RNLS: variants seen among roughly 807,000 people sequenced by gnomAD.
RNLS encodes the protein renalase, FAD dependent amine oxidase, also known as renalase.
Under a neutral mutation model 39.8 loss-of-function variants are expected in RNLS, and 39 were observed. The ratio of observed to expected loss-of-function variants is 0.98; its 90% CI spans 0.76 to 1.28. RNLS has a LOEUF of 1.28. Ranked by LOEUF, RNLS falls within the 50% of genes most tolerant of loss-of-function variation. RNLS has a pLI of 0.00. For synonymous variants in RNLS, 147 were observed against 150.7 expected, an observed-to-expected ratio of 0.98 and a Z score of 0.18; for missense variants, 410 against 413.3, an observed-to-expected ratio of 0.99 and a Z score of 0.07.
intron 6 of RNLS, among the ~76,000 whole-genome samples, chr10:88,287,496 G>A (rs1564662625): frequency 6.6e-6 from 1 of 152,104 alleles, no homozygotes; most frequent in African/African-American, 2.4e-5. Context: ...GAAGAAAACG[G>A]CTAGGATTCT....
At chr10:88,372,721 T>C (rs1436884712) in intron 4 of RNLS, among the ~76,000 whole-genome samples, 1 of 152,200 alleles carries the variant, frequency 6.6e-6, no homozygotes, top group Admixed American at 6.6e-5. Context: ...TAGCAGAGTC[T>C]AGAATTAATT....
At chr10:88,183,149 T>G in the RNLS span, among the ~76,000 whole-genome samples, 2 of 152,168 alleles carry the variant, frequency 1.3e-5, no homozygotes, top group African/African-American at 4.8e-5. Flanking sequence ...ATTATTCAGA[T>G]GCAGGGGACC....
the RNLS span, among the ~76,000 whole-genome samples, chr10:88,198,481 A>G: frequency 6.6e-6 from 1 of 152,198 alleles, no homozygotes. Flanking sequence ...TGCATATTTT[A>G]TCAAGTTTTA....
chr10:88,505,578 G>GT (rs975680146), intron 4 of RNLS, among the ~76,000 whole-genome samples: 6 of 152,160 alleles, frequency 3.9e-5, no homozygotes, highest in East Asian at 1.9e-4. Context: ...ATAAAAAAAA[G>GT]TTTTTTAAAG....
At chr10:88,579,321 C>G (rs1362700415) in intron 3 of RNLS, among the ~76,000 whole-genome samples, 4 of 152,112 alleles carry the variant, frequency 2.6e-5, no homozygotes, top group African/African-American at 4.8e-5. Context: ...CACGGTAGGT[C>G]AGATAATTTC....
At chr10:88,421,931 G>T (rs1854434381) in intron 4 of RNLS, among the ~76,000 whole-genome samples, 1 of 151,962 alleles carries the variant, frequency 6.6e-6, no homozygotes, top group Non-Finnish European at 1.5e-5. Context: ...CCTCTTTACT[G>T]CTCATTATAC....
chr10:88,488,137 T>C (rs1828167366), intron 4 of RNLS, among the ~76,000 whole-genome samples: 1 of 152,146 alleles, frequency 6.6e-6, no homozygotes, highest in African/African-American at 2.4e-5. Flanking sequence ...TAGTGATGGA[T>C]ATATTCACAA....
intron 4 of RNLS, among the ~76,000 whole-genome samples, chr10:88,451,886 T>C (rs1842378812): frequency 6.6e-6 from 1 of 152,214 alleles, no homozygotes; most frequent in Non-Finnish European, 1.5e-5. Context: ...CCATGGCAAC[T>C]AGTACAGTAG....
rs1356648395 is a variant in RNLS, at chr10:88,356,864, T to C, written c.700+5688A>G. 2.0e-5 allele frequency among the ~76,000 whole-genome samples: 3 copies of C among 146,936 alleles called. No individual in the cohort carries two copies. The Admixed American group carries it at 2.1e-4, about 10-fold the overall frequency. On this transcript the variant is annotated intron_variant, in intron 5 of 6. Coordinates refer to ENST00000331772, the MANE Select transcript of RNLS (RefSeq NM_001031709.3). Reference sequence around the variant, plus strand: ...TCACATCTCTAGAATTCAGATAGATTGTCTTAATCTCCTCAGATTGCTGCC... The same window carrying C: ...TCACATCTCTAGAATTCAGATAGATCGTCTTAATCTCCTCAGATTGCTGCC...
In RNLS at chr10:88,522,447, C is replaced by G. The variant is rs182431992; in HGVS notation, c.526+50456G>C. Among the ~76,000 whole-genome samples the G allele has an allele frequency of 1.6e-4, 25 of 152,082 alleles. No homozygotes were observed. In the East Asian group the frequency reaches 3.9e-3, roughly 24 times the overall value. On this transcript the variant is annotated intron_variant, in intron 4 of 6. Coordinates refer to ENST00000331772, the MANE Select transcript of RNLS (RefSeq NM_001031709.3). ...TCTGAACCAATAAAGATTTAGCAGG[C>G]CTGGTATTGAGTGTCCATGATATGA...
downstream of RNLS, among the ~76,000 whole-genome samples, chr10:88,279,816 GACT>G (rs1457291616): frequency 6.6e-6 from 1 of 152,050 alleles, no homozygotes; most frequent in Non-Finnish European, 1.5e-5. Context: ...TCTTTCCAAG[GACT>G]ACATTAGAGC....
At chr10:88,468,465 A>C (rs1473465502) in intron 4 of RNLS, among the ~76,000 whole-genome samples, 1 of 152,142 alleles carries the variant, frequency 6.6e-6, no homozygotes, top group Non-Finnish European at 1.5e-5. Context: ...ATTTATAATA[A>C]AACTGACCCT....
chr10:88,404,278 A>T (rs1165588050), intron 4 of RNLS, among the ~76,000 whole-genome samples: 1 of 152,060 alleles, frequency 6.6e-6, no homozygotes, highest in East Asian at 1.9e-4. Context: ...GAATCAATTG[A>T]TCTTGGTTTC....
intron 4 of RNLS, among the ~76,000 whole-genome samples, chr10:88,402,575 GA>G (rs1198523062): frequency 6.6e-6 from 1 of 151,888 alleles, no homozygotes; most frequent in Non-Finnish European, 1.5e-5. Flanking sequence ...CATTTATAAT[GA>G]AAAGAAACTC....
At chr10:88,312,343 A>G (rs1217186149) in intron 6 of RNLS, among the ~76,000 whole-genome samples, 1 of 152,206 alleles carries the variant, frequency 6.6e-6, no homozygotes, top group African/African-American at 2.4e-5. Flanking sequence ...AGAAGATGAC[A>G]AAGGCAAGAA....
chr10:88,421,408 CAAGCTTTAA>C (rs1854401396), intron 4 of RNLS, among the ~76,000 whole-genome samples: 1 of 152,200 alleles, frequency 6.6e-6, no homozygotes, highest in Admixed American at 6.5e-5. Flanking sequence ...GCTGTTTACC[CAAGCTTTAA>C]AAGCTAATCA....
At chr10:88,449,464 T>A (rs1408714368) in intron 4 of RNLS, among the ~76,000 whole-genome samples, 1 of 152,230 alleles carries the variant, frequency 6.6e-6, no homozygotes, top group Non-Finnish European at 1.5e-5. Flanking sequence ...TCATTCTGAT[T>A]AATTTATAGC....
At chr10:88,564,928 A>G (rs542144362) in intron 4 of RNLS, among the ~76,000 whole-genome samples, 37 of 152,300 alleles carry the variant, frequency 2.4e-4, no homozygotes, top group African/African-American at 8.4e-4. Flanking sequence ...CTATAATGTA[A>G]AGGGAATTCT....
chr10:88,338,441 A>G (rs906799602), intron 5 of RNLS, among the ~76,000 whole-genome samples: 1 of 152,242 alleles, frequency 6.6e-6, no homozygotes, highest in Non-Finnish European at 1.5e-5. Context: ...CATGTATGCA[A>G]TTCACATACT....
Sources: allele counts gnomAD v4.1 joint callset (sites outside exome capture counted in the v4.1 genomes callset), GRCh38; gene constraint gnomAD v4.1.1; transcripts MANE v1.5; gene names NCBI Gene and HGNC (gene_info 2026-07-23, HGNC 2026-07-21).